The following ZMYM4 variants were observed in gnomAD, a reference collection of about 807,000 sequenced individuals.
ZMYM4 encodes zinc finger MYM-type protein 4.
ZMYM4 carries 31 observed loss-of-function variants against 183.2 expected under a neutral mutation model. The observed-to-expected ratio is 0.17, with a 90% CI of 0.13 to 0.23. The LOEUF (loss-of-function observed/expected upper bound fraction) is 0.23, where lower values mean the gene tolerates loss of function less well. ZMYM4 is among the 10% of genes least tolerant of loss of function. The pLI is 1.00. For synonymous variants in ZMYM4, 592 were observed against 631.2 expected, an observed-to-expected ratio of 0.94 and a Z score of 0.93; for missense variants, 1,273 against 1,840.3, an observed-to-expected ratio of 0.69 and a Z score of 5.64.
chr1:35,379,450 C>T (rs1006684980), intron 7 of ZMYM4, among the ~76,000 whole-genome samples: 2 of 152,122 alleles, frequency 1.3e-5, no homozygotes, highest in African/African-American at 2.4e-5. Context: ...TGGCTAGACT[C>T]GTCTCCAACT....
intron 1 of ZMYM4, among the ~76,000 whole-genome samples, chr1:35,315,524 AGTTT>A (rs1642006110): frequency 6.6e-6 from 1 of 152,200 alleles, no homozygotes; most frequent in Non-Finnish European, 1.5e-5. Flanking sequence ...GCCTGTTTTT[AGTTT>A]ATGTCAGTGT....
chr1:35,299,530 AT>A (rs200329413), intron 1 of ZMYM4, among the ~76,000 whole-genome samples: 2,660 of 152,238 alleles, frequency 0.017, 72 homozygotes, highest in African/African-American at 0.06. Context: ...GTGGCCCCCA[AT>A]GAGAGGCTGA....
chr1:35,327,605 G>T (rs146449838), intron 2 of ZMYM4, among the ~76,000 whole-genome samples: 1 of 152,244 alleles, frequency 6.6e-6, no homozygotes, highest in Admixed American at 6.5e-5. Flanking sequence ...ATCTTCAGTG[G>T]ATTTAGTTAT....
chr1:35,335,885 G>A (rs906750854), intron 2 of ZMYM4, among the ~76,000 whole-genome samples: 1 of 152,130 alleles, frequency 6.6e-6, no homozygotes, highest in South Asian at 2.1e-4. Context: ...CCTGGGAGGC[G>A]GAGCTTGCAG....
chr1:35,322,323 C>G (rs1365268407), intron 1 of ZMYM4, among the ~76,000 whole-genome samples: 2 of 152,092 alleles, frequency 1.3e-5, no homozygotes, highest in African/African-American at 4.8e-5. Flanking sequence ...TTAAGCTTTT[C>G]CAAACAATTT....
chr1:35,288,430 C>T (rs1405745534), intron 1 of ZMYM4, among the ~76,000 whole-genome samples: 1 of 152,170 alleles, frequency 6.6e-6, no homozygotes, highest in South Asian at 2.1e-4. Flanking sequence ...GCTCTGACTC[C>T]TATCAGAAAT....
chr1:35,306,019 ATTG>A (rs1557961289), intron 1 of ZMYM4, among the ~76,000 whole-genome samples: 1 of 152,004 alleles, frequency 6.6e-6, no homozygotes, highest in Non-Finnish European at 1.5e-5. Flanking sequence ...ACAGTTTGTA[ATTG>A]TTGTGTTTAT....
chr1:35,356,143 G>A (rs1319436859), intron 2 of ZMYM4, among the ~76,000 whole-genome samples: 6 of 152,194 alleles, frequency 3.9e-5, no homozygotes, highest in Non-Finnish European at 8.8e-5. Flanking sequence ...CCTGGAGGCG[G>A]AGGTTGTAAT....
intron 4 of ZMYM4, among the ~76,000 whole-genome samples, 173 bp downstream of exon 4, chr1:35,361,428 C>G (rs1303584555): frequency 6.6e-6 from 1 of 151,680 alleles, no homozygotes; most frequent in Non-Finnish European, 1.5e-5. Flanking sequence ...AGCCTCAAAT[C>G]TTAGGGTCTT....
In ZMYM4 at chr1:35,389,781, A is replaced by ATG. The variant is rs139535337; in HGVS notation, c.2437-141_2437-140dup. ...AAAAAAAAAAAAAATATATATATAT[A>ATG]TGTGTGTGTGTGTGTGTGTGTGTGT... is the stretch of plus-strand genomic sequence containing the variant. On this transcript the variant is annotated intron_variant, in intron 14 of 29. Transcript: ENST00000314607. The surrounding 1 kb of genome is among the most constrained non-coding windows in gnomAD (Gnocchi z 4.0). Among the ~76,000 whole-genome samples the ATG allele has an allele frequency of 0.016, 2,238 of 141,420 alleles. 26 individuals are homozygous for ATG. The highest frequency in any genetic ancestry group is 0.042 in the Middle Eastern group (12 of 284). 92.8% of individuals were successfully genotyped at this position (141,420 alleles called of 152,430 possible).
chr1:35,343,875 A>C (rs559838580), intron 2 of ZMYM4, among the ~76,000 whole-genome samples: 27 of 151,498 alleles, frequency 1.8e-4, no homozygotes, highest in African/African-American at 6.5e-4. Flanking sequence ...AAAAAAAAAA[A>C]CAGAAAAATT....
intron 28 of ZMYM4, among the ~76,000 whole-genome samples, chr1:35,415,955 T>G (rs1640097651): frequency 6.6e-6 from 1 of 152,208 alleles, no homozygotes; most frequent in South Asian, 2.1e-4. Context: ...TGGGCAGAGC[T>G]CAAATAGCCT....
intron 18 of ZMYM4, 23 bp from the exon 19 acceptor site, chr1:35,396,529 G>T (rs1304655206): frequency 6.2e-7 from 1 of 1,607,554 alleles, no homozygotes; most frequent in Admixed American, 1.7e-5. Flanking sequence ...TGCTTTTTGT[G>T]ATTTTGTTGT....
rs764517481 is a variant in ZMYM4, at chr1:35,386,173, G to A, written c.1820G>A (p.Cys607Tyr). The A allele has an allele frequency of 6.2e-7, 1 of 1,613,074 alleles. No homozygotes were observed. The highest frequency in any genetic ancestry group is 8.5e-7 in the Non-Finnish European group (1 of 1,179,438). Reference sequence around the variant, plus strand: ...ATACGCAACTTCTGCAGCTACAGCTGTGTGGTAGCTTTCCAGGTATGGCTT... The same window carrying A: ...ATACGCAACTTCTGCAGCTACAGCTATGTGGTAGCTTTCCAGGTATGGCTT... The part of the protein sequence containing the change: ...GSIRNFCSYS[C>Y]VVAFQNLFNK... Residue 607 changes from cysteine (C) to tyrosine (Y), a missense_variant, in exon 11 of 30, where the codon TGT becomes TAT. Cys to Tyr is a radical substitution (Grantham distance 194). Coordinates refer to ENST00000314607, the MANE Select transcript of ZMYM4 (RefSeq NM_005095.3).
Position 35,359,147 on chromosome 1 carries a change from C to T in ZMYM4, c.308C>T (p.Ser103Phe). The change falls in exon 3 of 30, where the codon TCT (serine) becomes TTT (phenylalanine). Residue 103 changes from serine to phenylalanine, a missense_variant. By Grantham distance (155) the Ser-to-Phe change is radical. Around this residue, in one of 6 missense-constraint regions of ZMYM4, gnomAD observed 384 missense variants for 465.6 expected, o/e 0.82. Coordinates refer to ENST00000314607, the MANE Select transcript of ZMYM4 (RefSeq NM_005095.3). ...QDFSSKDNLV[S>F]SIHTDDSLEV... ...TTTAGTTCAAAGGACAATCTTGTTTCTTCAATTCATACTGATGATAGCTTG... is the reference window on the plus strand; with the variant it reads ...TTTAGTTCAAAGGACAATCTTGTTTTTTCAATTCATACTGATGATAGCTTG... 6.2e-7 allele frequency: 1 copy of T among 1,613,668 alleles called. No individual in the cohort carries two copies. Among genetic ancestry groups the T allele is most frequent in the South Asian group, 1.1e-5 (1 of 91,060 alleles).
chr1:35,362,013 C>T lies in ZMYM4; in HGVS notation c.840+224C>T, dbSNP rs1204558582. On this transcript the variant is annotated intron_variant, in intron 5 of 29. Coordinates refer to ENST00000314607, the MANE Select transcript of ZMYM4 (RefSeq NM_005095.3). Reference sequence around the variant, plus strand: ...TTTAATCATCTTTGTTTCTTAATACCACTGTGATTTTTGCAATGCATTTTA... The same window carrying T: ...TTTAATCATCTTTGTTTCTTAATACTACTGTGATTTTTGCAATGCATTTTA... Among the ~76,000 whole-genome samples, 4 of 152,190 alleles carry T rather than the reference C, an allele frequency of 2.6e-5. No homozygotes were observed. In the South Asian group the frequency reaches 6.2e-4, roughly 24 times the overall value.
Position 35,419,448 on chromosome 1 carries a change from T to C in ZMYM4, c.4440-22T>C, listed in dbSNP as rs779662599. 5.6e-6 allele frequency: 9 copies of C among 1,602,488 alleles called. No individual in the cohort carries two copies. In the South Asian group the frequency reaches 1.0e-4, roughly 18 times the overall value. On this transcript the variant is annotated intron_variant, in intron 29 of 29. Transcript: ENST00000314607. ...GATTTCTAATTTTCTTTTTTCTCTT[T>C]TTTTTTTTCCCCTGTGGATAGTTCT...
At chr1:35,386,246 C>A in intron 11 of ZMYM4, 57 bp downstream of exon 11, 2 of 1,270,896 alleles carry the variant, frequency 1.6e-6, no homozygotes, top group South Asian at 1.3e-5. Flanking sequence ...CTGTATGAGT[C>A]TGTTCTTGCA....
intron 1 of ZMYM4, among the ~76,000 whole-genome samples, chr1:35,306,186 CT>C (rs1262507959): frequency 6.6e-6 from 1 of 151,822 alleles, no homozygotes; most frequent in African/African-American, 2.4e-5. Context: ...AGATGTATTC[CT>C]TTGTATTTAG....
Sources: allele counts gnomAD v4.1 joint callset (sites outside exome capture counted in the v4.1 genomes callset), GRCh38; gene constraint gnomAD v4.1.1; regional missense constraint gnomAD v4.1.1; non-coding constraint Gnocchi (gnomAD v3.1); transcripts MANE v1.5; gene names NCBI Gene and HGNC (gene_info 2026-07-23, HGNC 2026-07-21).